The following ZBTB16 variants were observed in gnomAD, a reference collection of about 807,000 sequenced individuals.
The protein encoded by ZBTB16 is zinc finger and BTB domain-containing protein 16.
A neutral mutation model predicts 56.8 loss-of-function variants in ZBTB16; 8 were observed. The observed-to-expected ratio is 0.14, with a 90% CI of 0.08 to 0.25. The LOEUF is 0.25. ZBTB16 is among the 10% of genes least tolerant of loss of function. ZBTB16 has a pLI of 1.00. For synonymous variants in ZBTB16, 363 were observed against 368.5 expected (o/e 0.98, Z 0.17); for missense variants, 625 against 903.0 (o/e 0.69, Z 3.95).
At chr11:114,124,546 A>AAAC (rs1941437556) in intron 2 of ZBTB16, among the ~76,000 whole-genome samples, 2 of 133,596 alleles carry the variant, frequency 1.5e-5, no homozygotes, top group African/African-American at 5.8e-5. Flanking sequence ...AAACAAAACA[A>AAAC]AAAAAAAAAC....
chr11:114,178,833 T>C (rs981802193), intron 3 of ZBTB16, among the ~76,000 whole-genome samples: 1 of 152,204 alleles, frequency 6.6e-6, no homozygotes, highest in Non-Finnish European at 1.5e-5. Context: ...GGGTTTCCTC[T>C]TCTGCAGAGT....
At chr11:114,105,321 A>C (rs1285511068) in intron 2 of ZBTB16, among the ~76,000 whole-genome samples, 1 of 151,694 alleles carries the variant, frequency 6.6e-6, no homozygotes, top group Non-Finnish European at 1.5e-5. Flanking sequence ...GCTCACTGCA[A>C]CTTCCACCTC....
chr11:114,117,414 A>G (rs1941205346), intron 2 of ZBTB16, among the ~76,000 whole-genome samples: 1 of 151,940 alleles, frequency 6.6e-6, no homozygotes, highest in Admixed American at 6.6e-5. Flanking sequence ...GAGTCAGAGG[A>G]ACCACCTAGG....
chr11:114,131,715 C>T (rs1252776406), intron 2 of ZBTB16, among the ~76,000 whole-genome samples: 2 of 152,118 alleles, frequency 1.3e-5, no homozygotes, highest in South Asian at 2.1e-4. Flanking sequence ...CAGAGACTTC[C>T]GGTAGCACTT....
At chr11:114,074,301 T>C (rs1939458557) in intron 2 of ZBTB16, among the ~76,000 whole-genome samples, 1 of 152,150 alleles carries the variant, frequency 6.6e-6, no homozygotes, top group Non-Finnish European at 1.5e-5. Context: ...CTCCTTGCCA[T>C]AGTGAGAAGC....
intron 2 of ZBTB16, among the ~76,000 whole-genome samples, chr11:114,084,307 C>T (rs529280428): frequency 6.6e-6 from 1 of 151,970 alleles, no homozygotes; most frequent in Non-Finnish European, 1.5e-5. Context: ...TAGAGATGGT[C>T]GGGGGAGAGA....
intron 4 of ZBTB16, among the ~76,000 whole-genome samples, chr11:114,228,833 G>A (rs558855666): frequency 5.9e-5 from 9 of 152,346 alleles, no homozygotes; most frequent in African/African-American, 9.6e-5. Context: ...CAATGCAGAA[G>A]GGAGCCATAT....
Position 114,255,718 on chromosome 11 carries a change from T to TA in ZBTB16, c.*5178dup, listed in dbSNP as rs10576984. Among the ~76,000 whole-genome samples, 1 of 143,274 alleles carries TA rather than the reference T, an allele frequency of 7.0e-6. No homozygotes were observed. Among genetic ancestry groups the TA allele is most frequent in the Non-Finnish European group, 1.5e-5 (1 of 66,284 alleles). 94.0% of individuals were successfully genotyped at this position (143,274 alleles called of 152,430 possible). Reference sequence around the variant, plus strand: ...TAATTTCAGTGTTTCTGACAAGATTTAAAAAAAAAAAAAAAGGAAAAAAAA... The same window carrying TA: ...TAATTTCAGTGTTTCTGACAAGATTTAAAAAAAAAAAAAAAAGGAAAAAAAA... On this transcript the variant is annotated 3_prime_UTR_variant, in exon 7 of 7. Coordinates refer to ENST00000335953, the MANE Select transcript of ZBTB16 (RefSeq NM_006006.6).
At chr11:114,200,973 G>A (rs932480042) in intron 4 of ZBTB16, among the ~76,000 whole-genome samples, 2 of 152,248 alleles carry the variant, frequency 1.3e-5, no homozygotes, top group East Asian at 1.9e-4. Context: ...AAACACAAGG[G>A]CCTATTTTAT....
At chr11:114,102,157 C>T (rs1940630950) in intron 2 of ZBTB16, among the ~76,000 whole-genome samples, 1 of 152,146 alleles carries the variant, frequency 6.6e-6, no homozygotes, top group African/African-American at 2.4e-5. Flanking sequence ...TCCCAGACCT[C>T]TGAAACATGG....
chr11:114,087,476 T>C (rs1198923143), intron 2 of ZBTB16, among the ~76,000 whole-genome samples: 1 of 152,242 alleles, frequency 6.6e-6, no homozygotes, highest in African/African-American at 2.4e-5. Context: ...CCTCATGTTT[T>C]GTGGTCTCTG....
intron 2 of ZBTB16, 102 bp from the exon 3 acceptor site, chr11:114,156,235 G>A: frequency 1.7e-6 from 2 of 1,168,050 alleles, no homozygotes; most frequent in Non-Finnish European, 2.5e-6. Context: ...CCTTCCGCCT[G>A]TCACCTGCCA....
chr11:114,161,373 G>A (rs1032121967), intron 3 of ZBTB16, among the ~76,000 whole-genome samples: 5 of 152,280 alleles, frequency 3.3e-5, no homozygotes, highest in East Asian at 1.9e-4. Context: ...TAATAAGCAC[G>A]AATTGTGTGT....
rs1395132857 is a variant in ZBTB16 at position 114,251,528 on chromosome 11, G to A, written c.*973G>A. On this transcript the variant is annotated 3_prime_UTR_variant, in exon 7 of 7. Transcript: ENST00000335953. ...AGGAGAAGGAATCCATGAATGGGCT[G>A]AGGTTCCGAGGGTAGGTTGTGGATG... Among the ~76,000 whole-genome samples, 3 of 152,218 alleles carry A rather than the reference G, an allele frequency of 2.0e-5. No individual in the cohort carries two copies. The highest frequency in any genetic ancestry group is 4.4e-5 in the Non-Finnish European group (3 of 68,052).
chr11:114,149,839 C>G (rs184926678), intron 2 of ZBTB16, among the ~76,000 whole-genome samples: 58 of 152,244 alleles, frequency 3.8e-4, no homozygotes, highest in Non-Finnish European at 3.4e-4. Flanking sequence ...TTCTTTTTCT[C>G]CCCTGGGATA....
intron 4 of ZBTB16, among the ~76,000 whole-genome samples, chr11:114,225,223 G>C (rs1462950347): frequency 6.6e-6 from 1 of 152,132 alleles, no homozygotes; most frequent in African/African-American, 2.4e-5. Context: ...GGTTTGGTGG[G>C]AGTAACTGGA....
At chr11:114,204,401 A>T (rs1016344134) in intron 4 of ZBTB16, among the ~76,000 whole-genome samples, 1 of 152,030 alleles carries the variant, frequency 6.6e-6, no homozygotes, top group African/African-American at 2.4e-5. Flanking sequence ...CACCCTCTTA[A>T]AGTGCTGGGA....
chr11:114,074,525 A>T (rs1591640502), intron 2 of ZBTB16, among the ~76,000 whole-genome samples: 2 of 152,288 alleles, frequency 1.3e-5, no homozygotes, highest in Middle Eastern at 3.4e-3. Context: ...CTCTTTAAGG[A>T]ACGTCCCTCC....
intron 2 of ZBTB16, among the ~76,000 whole-genome samples, chr11:114,127,441 A>G (rs1266805313): frequency 6.6e-6 from 1 of 152,168 alleles, no homozygotes; most frequent in Non-Finnish European, 1.5e-5. Context: ...AATGTACACT[A>G]AAGTTAGAGA....
Sources: allele counts gnomAD v4.1 joint callset (sites outside exome capture counted in the v4.1 genomes callset), GRCh38; gene constraint gnomAD v4.1.1; transcripts MANE v1.5; gene names NCBI Gene and HGNC (gene_info 2026-07-23, HGNC 2026-07-21).